Variants in TGFBR1 observed in about 807,000 individuals in gnomAD.
TGFBR1 encodes the protein TGF-beta receptor type-1.
In TGFBR1, 20 loss-of-function variants were observed where a neutral mutation model predicts 55.1. That is an observed-to-expected ratio of 0.36 (90% CI 0.26 to 0.53). The LOEUF is 0.53. TGFBR1 is among the 20% of genes least tolerant of loss of function. The pLI, the probability that TGFBR1 is intolerant of heterozygous loss-of-function variation, is 0.91. For synonymous variants in TGFBR1, 220 were observed against 214.8 expected, an observed-to-expected ratio of 1.02 and a Z score of -0.21; for missense variants, 385 against 617.6, an observed-to-expected ratio of 0.62 and a Z score of 3.99.
At position 99,149,663 on chromosome 9, in the gene TGFBR1, C is replaced by A. The variant is rs764209146; in HGVS notation, c.*358C>A. On this transcript the variant is annotated 3_prime_UTR_variant, in exon 9 of 9. Transcript: ENST00000374994. The stretch of plus-strand genomic sequence containing the variant: ...GCAAAGGAGTTGGATTGCTGAATTA[C>A]AATGAAACATGTCTTATTACTAAAG... The A allele has an allele frequency of 5.9e-6, 2 of 339,126 alleles. No individual in the cohort carries two copies. The highest frequency in any genetic ancestry group is 4.8e-5 in the East Asian group (1 of 21,010). 21.0% of individuals were successfully genotyped at this position (339,126 alleles called of 1,614,324 possible). A position where few individuals can be genotyped will look rare whatever the true frequency, so the allele number is the denominator to read the frequency against.
intron 1 of TGFBR1, among the ~76,000 whole-genome samples, chr9:99,116,489 T>C (rs1229027675): frequency 6.6e-6 from 1 of 152,226 alleles, no homozygotes; most frequent in African/African-American, 2.4e-5. Context: ...ATGGAAGAAA[T>C]GAGTATAATC....
In TGFBR1 at chr9:99,149,505, A is replaced by G. The variant is rs1827916482; in HGVS notation, c.*200A>G. 5.1e-6 allele frequency: 3 copies of G among 590,570 alleles called. No homozygotes were observed. The highest frequency in any genetic ancestry group is 3.0e-5 in the Admixed American group (1 of 32,932). 36.6% of individuals were successfully genotyped at this position (590,570 alleles called of 1,614,324 possible). A position where few individuals can be genotyped will look rare whatever the true frequency, so the allele number is the denominator to read the frequency against. On this transcript the variant is annotated 3_prime_UTR_variant, in exon 9 of 9. Transcript: ENST00000374994. ...GCCATGTGGGTCCTTTCTGTGCACT[A>G]TGAACGCTTCTTTCCCAGGACAGAA...
At chr9:99,145,398 T>A (rs773877435) in intron 6 of TGFBR1, among the ~76,000 whole-genome samples, 3 of 152,126 alleles carry the variant, frequency 2.0e-5, no homozygotes, top group Admixed American at 6.5e-5. Flanking sequence ...ATCTTAGGAG[T>A]CCCTGCCAGG....
At position 99,105,320 on chromosome 9, in the gene TGFBR1, G is replaced by C; in HGVS notation, c.97+18G>C. 1.0e-6 allele frequency: 1 copy of C among 981,720 alleles called. No homozygotes were observed. The highest frequency in any genetic ancestry group is 1.2e-6 in the Non-Finnish European group (1 of 828,872). The allele number at this position is 981,720 out of a possible 1,614,324, so 60.8% of individuals were successfully genotyped here. On this transcript the variant is annotated intron_variant, in intron 1 of 8. Transcript: ENST00000374994. ...GGCGACGGGTGAGCGGCGGCGCGGC[G>C]GGCGGGCGACTGCGGGGCGCGCGGG...
In TGFBR1 at chr9:99,153,509, A is replaced by G. The variant is rs201385076; in HGVS notation, c.*4204A>G. ...AAAAACATAAGCTGTGTTTCCCCAT[A>G]AGTTTTTTTAAATTGTATATTGTAT... On this transcript the variant is annotated 3_prime_UTR_variant, in exon 9 of 9. Coordinates refer to ENST00000374994, the MANE Select transcript of TGFBR1 (RefSeq NM_004612.4). 2 of 197,730 alleles carry G rather than the reference A, an allele frequency of 1.0e-5. No homozygotes were observed. The highest frequency in any genetic ancestry group is 2.3e-5 in the African/African-American group (1 of 43,392). The allele number at this position is 197,730 out of a possible 1,614,324, so 12.2% of individuals were successfully genotyped here.
chr9:99,145,773 A>C (rs537711049), intron 6 of TGFBR1: 1 of 152,572 alleles, frequency 6.6e-6, no homozygotes, highest in East Asian at 1.9e-4. Context: ...CATTTTTTCA[A>C]ACTACTGTCT....
rs752197841 is a variant in TGFBR1, at chr9:99,108,570, CTT to C, written c.97+3270_97+3271del. 7.2e-5 allele frequency among the ~76,000 whole-genome samples: 11 copies of C among 152,238 alleles called. No homozygotes were observed. In the East Asian group the frequency reaches 2.1e-3, roughly 29 times the overall value. On this transcript the variant is annotated intron_variant, in intron 1 of 8. Transcript: ENST00000374994. ...ATGATTGGGGGAGGCTTCTTGGACACTTTAGGACTTACACTGACTTTGAAGGG... is the reference window on the plus strand; with the variant it reads ...ATGATTGGGGGAGGCTTCTTGGACACTAGGACTTACACTGACTTTGAAGGG...
chr9:99,106,365 C>T (rs1826414865), intron 1 of TGFBR1, among the ~76,000 whole-genome samples: 1 of 152,190 alleles, frequency 6.6e-6, no homozygotes, highest in Non-Finnish European at 1.5e-5. Context: ...AATACACAGC[C>T]TCAGTGTTAG....
chr9:99,150,696 T>G lies in TGFBR1; in HGVS notation c.*1391T>G, dbSNP rs1827958832. ...TACATTGCAACTGCTTACATGTAATTTATGTAATGCATTCAGTGCACCCTT... is the reference window on the plus strand; with the variant it reads ...TACATTGCAACTGCTTACATGTAATGTATGTAATGCATTCAGTGCACCCTT... On this transcript the variant is annotated 3_prime_UTR_variant, in exon 9 of 9. Transcript: ENST00000374994. The G allele has an allele frequency of 4.7e-6, 1 of 211,114 alleles. No individual in the cohort carries two copies. Among genetic ancestry groups the G allele is most frequent in the Non-Finnish European group, 9.6e-6 (1 of 103,748 alleles). The allele number at this position is 211,114 out of a possible 1,614,324, so 13.1% of individuals were successfully genotyped here.
At chr9:99,140,411 G>A (rs981932963) in intron 4 of TGFBR1, among the ~76,000 whole-genome samples, 2 of 151,650 alleles carry the variant, frequency 1.3e-5, no homozygotes, top group South Asian at 2.1e-4. Flanking sequence ...AGCTGAGATC[G>A]CACCACTGCA....
intron 4 of TGFBR1, 100 bp from the exon 5 acceptor site, chr9:99,142,436 C>G (rs1165071647): frequency 1.6e-6 from 2 of 1,261,766 alleles, no homozygotes; most frequent in Non-Finnish European, 2.3e-6. Flanking sequence ...CATTATATTG[C>G]AGTGTGTGAC....
At chr9:99,118,457 A>G (rs889163894) in intron 1 of TGFBR1, among the ~76,000 whole-genome samples, 5 of 152,252 alleles carry the variant, frequency 3.3e-5, no homozygotes, top group Admixed American at 6.5e-5. Flanking sequence ...CTTTTATTTA[A>G]TCTGATTATT....
chr9:99,136,385 T>C (rs1392410715), intron 3 of TGFBR1, among the ~76,000 whole-genome samples: 2 of 152,196 alleles, frequency 1.3e-5, no homozygotes, highest in Non-Finnish European at 2.9e-5. Flanking sequence ...TTTTTCTTTT[T>C]TATTACTTGT....
rs746666082 is a variant in TGFBR1, at chr9:99,146,492, G to T, written c.1138G>T (p.Ala380Ser). The T allele has an allele frequency of 6.2e-7, 1 of 1,613,744 alleles. No individual in the cohort carries two copies. Among genetic ancestry groups the T allele is most frequent in the Non-Finnish European group, 8.5e-7 (1 of 1,179,826 alleles). ...NHRVGTKRYM[A>S]PEVLDDSINM... is the part of the protein sequence containing the mutation. ...TTTGCAAATTTTTTTTAGGTACATGGCCCCTGAAGTTCTCGATGATTCCAT... is the reference window on the plus strand; with the variant it reads ...TTTGCAAATTTTTTTTAGGTACATGTCCCCTGAAGTTCTCGATGATTCCAT... The change falls in exon 7 of 9, where the codon GCC (alanine) becomes TCC (serine). Residue 380 changes from alanine to serine, a missense_variant. Physicochemically the swap from Ala to Ser is moderately conservative, Grantham distance 99. Around this residue, in one of 5 missense-constraint regions of TGFBR1, gnomAD observed 110 missense variants for 154.6 expected, o/e 0.71. Transcript: ENST00000374994.
At chr9:99,112,190 A>G (rs1332445530) in intron 1 of TGFBR1, among the ~76,000 whole-genome samples, 1 of 152,196 alleles carries the variant, frequency 6.6e-6, no homozygotes, top group African/African-American at 2.4e-5. Flanking sequence ...GTGGCTACCC[A>G]GTTGGTTTGA....
chr9:99,126,183 CATTATT>C (rs1827035520), intron 1 of TGFBR1, among the ~76,000 whole-genome samples: 1 of 152,130 alleles, frequency 6.6e-6, no homozygotes, highest in Non-Finnish European at 1.5e-5. Flanking sequence ...TCATGAAAGA[CATTATT>C]ATTATAATGG....
intron 1 of TGFBR1, among the ~76,000 whole-genome samples, chr9:99,128,269 G>A (rs1827098460): frequency 6.6e-6 from 1 of 152,054 alleles, no homozygotes. Context: ...CTAAGAGAAT[G>A]CCCCAGTCCT....
Position 99,152,222 on chromosome 9 carries a change from G to T in TGFBR1, c.*2917G>T, listed in dbSNP as rs144871415. On this transcript the variant is annotated 3_prime_UTR_variant, in exon 9 of 9. Coordinates refer to ENST00000374994, the MANE Select transcript of TGFBR1 (RefSeq NM_004612.4). ...TCAGTCATTAGAGGTGGAAGGGAGGGGTCTCCAAGTTTGGAGATTGAGCAG... is the reference window on the plus strand; with the variant it reads ...TCAGTCATTAGAGGTGGAAGGGAGGTGTCTCCAAGTTTGGAGATTGAGCAG... 1 of 212,240 alleles carries T rather than the reference G, an allele frequency of 4.7e-6. No individual in the cohort carries two copies. The highest frequency in any genetic ancestry group is 9.6e-6 in the Non-Finnish European group (1 of 104,672). The allele number at this position is 212,240 out of a possible 1,614,324, so 13.1% of individuals were successfully genotyped here.
chr9:99,134,017 A>T lies in TGFBR1; in HGVS notation c.574+1278A>T, dbSNP rs991582741. ...CATCTAAAAAAAAAAAAAAAAAAAA[A>T]TTTTCACTAATTTTATAATTGAGTG... On this transcript the variant is annotated intron_variant, in intron 3 of 8. Coordinates refer to ENST00000374994, the MANE Select transcript of TGFBR1 (RefSeq NM_004612.4). 2.6e-3 allele frequency among the ~76,000 whole-genome samples: 394 copies of T among 150,824 alleles called. 1 individual carries two copies. Among genetic ancestry groups the T allele is most frequent in the African/African-American group, 8.2e-3 (338 of 41,108 alleles).
Sources: gnomAD v4.1 joint callset for allele counts (sites outside exome capture counted in the v4.1 genomes callset) on GRCh38, gnomAD v4.1.1 for gene constraint, gnomAD v4.1.1 regional missense constraint, MANE v1.5 for transcripts, NCBI Gene and HGNC (gene_info 2026-07-23, HGNC 2026-07-21) for gene names.